BAG3: variants seen among roughly 807,000 people sequenced by gnomAD.
BAG3 encodes BAG family molecular chaperone regulator 3.
In BAG3, 14 loss-of-function variants were observed where a neutral mutation model predicts 40.5. That is an observed-to-expected ratio of 0.35 (90% CI 0.23 to 0.54). The LOEUF is 0.54. BAG3 is among the 20% of genes least tolerant of loss of function. The probability of loss-of-function intolerance (pLI) is 0.91; values close to 1 mark genes in which losing one functional copy is unlikely to be tolerated. For synonymous variants in BAG3, 302 were observed against 307.8 expected (o/e 0.98, Z 0.20); for missense variants, 788 against 758.6 (o/e 1.04, Z -0.46).
At chr10:119,652,094 C>T (rs900576454) in intron 1 of BAG3, among the ~76,000 whole-genome samples, 5 of 152,070 alleles carry the variant, frequency 3.3e-5, no homozygotes, top group African/African-American at 4.8e-5. Context: ...TTCGGTGGCC[C>T]GGGAAGCGAC....
At chr10:119,673,488 A>G (rs1847180256) in intron 3 of BAG3, among the ~76,000 whole-genome samples, 2 of 152,204 alleles carry the variant, frequency 1.3e-5, no homozygotes, top group South Asian at 4.1e-4. Context: ...CACAAGGTGC[A>G]GGTTCCTGGA....
intron 1 of BAG3, 126 bp downstream of exon 1, chr10:119,651,981 G>A (rs1321769146): frequency 4.8e-5 from 39 of 808,036 alleles, no homozygotes; most frequent in South Asian, 6.0e-5. Flanking sequence ...CCTCGCGGGC[G>A]GACACCGGCT....
chr10:119,665,606 C>T (rs1303964604), intron 1 of BAG3, among the ~76,000 whole-genome samples: 2 of 152,028 alleles, frequency 1.3e-5, no homozygotes, highest in Non-Finnish European at 2.9e-5. Context: ...TTAGTAAAAG[C>T]GGAAGCATTT....
At chr10:119,652,925 A>G (rs1177237272) in intron 1 of BAG3, among the ~76,000 whole-genome samples, 3 of 152,242 alleles carry the variant, frequency 2.0e-5, no homozygotes, top group Non-Finnish European at 4.4e-5. Flanking sequence ...AGCTTTCAGG[A>G]TAAAAAGTTT....
In BAG3 at chr10:119,676,576, T is replaced by G; in HGVS notation, c.1022T>G (p.Val341Gly). Residue 341 changes from valine to glycine, a missense_variant, in exon 4 of 4, where the codon GTG becomes GGG. Transcript: ENST00000369085. ...ELPPGHIPIQ[V>G]IRKEVDSKPV... ...CCTCCTGGACACATCCCAATTCAAGTGATCCGCAAAGAGGTGGATTCTAAA... is the reference window on the plus strand; with the variant it reads ...CCTCCTGGACACATCCCAATTCAAGGGATCCGCAAAGAGGTGGATTCTAAA... The G allele has an allele frequency of 1.2e-6, 2 of 1,614,064 alleles. No individual in the cohort carries two copies. The highest frequency in any genetic ancestry group is 2.2e-5 in the South Asian group (2 of 91,078).
chr10:119,656,248 C>G (rs549435209), intron 1 of BAG3, among the ~76,000 whole-genome samples: 11 of 152,228 alleles, frequency 7.2e-5, no homozygotes, highest in African/African-American at 2.6e-4. Flanking sequence ...CTGGCACTGG[C>G]GAACACGAGT....
Position 119,676,657 on chromosome 10 carries a change from C to G in BAG3, c.1103C>G (p.Pro368Arg). The change falls in exon 4 of 4, where the codon CCT becomes CGT. Residue 368 changes from proline to arginine, a missense_variant. Coordinates refer to ENST00000369085, the MANE Select transcript of BAG3 (RefSeq NM_004281.4). ...PSEKVEVKVPPAPVPCPPPSP... is the reference protein window; with the variant it reads ...PSEKVEVKVPRAPVPCPPPSP... ...GAGAAGGTAGAGGTGAAAGTTCCCC[C>G]TGCTCCAGTTCCTTGTCCTCCTCCC... The G allele has an allele frequency of 6.2e-7, 1 of 1,614,184 alleles. No homozygotes were observed. The highest frequency in any genetic ancestry group is 1.1e-5 in the South Asian group (1 of 91,084).
In BAG3 at chr10:119,672,997, G is replaced by A. The variant is rs961826399; in HGVS notation, c.909+341G>A. 3.9e-5 allele frequency among the ~76,000 whole-genome samples: 6 copies of A among 152,112 alleles called. No homozygotes were observed. Among genetic ancestry groups the A allele is most frequent in the African/African-American group, 9.6e-5 (4 of 41,480 alleles). On this transcript the variant is annotated intron_variant, in intron 3 of 3. Transcript: ENST00000369085. The surrounding 1 kb of genome is among the most constrained non-coding windows in gnomAD (Gnocchi z 4.8). The stretch of plus-strand genomic sequence containing the variant: ...GGCTCTTCACACCCCCATCCACACC[G>A]CAGCCACAGCCTCACCTTGGGTGTA...
rs727504938 is a variant in BAG3 at position 119,651,868 on chromosome 10, C to T, written c.180+13C>T. The T allele has an allele frequency of 1.3e-5, 20 of 1,543,432 alleles. No individual in the cohort carries two copies. The South Asian group carries it at 2.1e-4, about 16-fold the overall frequency. ...TGAGGGCCCCAAGGTGAGCCGGGCC[C>T]GCGGCCCGCCCTGGTCGGTGGCGCC... On this transcript the variant is annotated intron_variant, in intron 1 of 3. Coordinates refer to ENST00000369085, the MANE Select transcript of BAG3 (RefSeq NM_004281.4).
In BAG3 at chr10:119,669,979, T is replaced by G; in HGVS notation, c.309T>G (p.Ala103=). The G allele has an allele frequency of 6.2e-7, 1 of 1,614,228 alleles. No homozygotes were observed. ...YIPIPVLHEG[A]ENRQVHPFHV... ...CCATTCCTGTGCTCCATGAAGGCGC[T>G]GAGAACCGGCAGGTGCACCCTTTCC... is the stretch of plus-strand genomic sequence containing the variant. Residue 103 remains alanine, a synonymous_variant, in exon 2 of 4, where the codon GCT becomes GCG. Transcript: ENST00000369085.
chr10:119,657,828 C>CAG (rs1353859265), intron 1 of BAG3, among the ~76,000 whole-genome samples: 1 of 152,228 alleles, frequency 6.6e-6, no homozygotes, highest in Non-Finnish European at 1.5e-5. Flanking sequence ...CATAGCTGTG[C>CAG]AGAGAGCAGC....
In BAG3 at chr10:119,677,190, C is replaced by T. The variant is rs1589633082; in HGVS notation, c.1636C>T (p.His546Tyr). The change falls in exon 4 of 4, where the codon CAC (histidine) becomes TAC (tyrosine). Residue 546 changes from histidine to tyrosine, a missense_variant. Coordinates refer to ENST00000369085, the MANE Select transcript of BAG3 (RefSeq NM_004281.4). ...AAATGCTGGAAATGCAGAAGATCCC[C>T]ACACAGAAACCCAGCAGCCAGAAGC... ...KKNAGNAEDPHTETQQPEATA... is the reference protein window; with the variant it reads ...KKNAGNAEDPYTETQQPEATA... 6.2e-7 allele frequency: 1 copy of T among 1,614,150 alleles called. No homozygotes were observed. The highest frequency in any genetic ancestry group is 1.6e-4 in the Middle Eastern group (1 of 6,062).
Position 119,655,463 on chromosome 10 carries a change from C to T in BAG3, c.180+3608C>T, listed in dbSNP as rs139638299. 4.1e-3 allele frequency among the ~76,000 whole-genome samples: 627 copies of T among 152,246 alleles called. 4 individuals are homozygous for T. The highest frequency in any genetic ancestry group is 0.017 in the Middle Eastern group (5 of 294). On this transcript the variant is annotated intron_variant, in intron 1 of 3. Coordinates refer to ENST00000369085, the MANE Select transcript of BAG3 (RefSeq NM_004281.4). ...CTTTCAGATAACACTGGAAATGTTT[C>T]GAGTTATGATTGAAGTAGAGAGACC... is the stretch of plus-strand genomic sequence containing the variant.
intron 1 of BAG3, among the ~76,000 whole-genome samples, chr10:119,662,233 T>TTTTTTTG: frequency 6.8e-6 from 1 of 146,484 alleles, no homozygotes; most frequent in Non-Finnish European, 1.5e-5. Context: ...TTTGTTTTTT[T>TTTTTTTG]TTTTTTTGTA....
chr10:119,675,576 T>A (rs745715965), intron 3 of BAG3, among the ~76,000 whole-genome samples: 34 of 152,100 alleles, frequency 2.2e-4, no homozygotes, highest in Non-Finnish European at 4.6e-4. Context: ...GTATCTTTTC[T>A]AAAACAGGAG....
At chr10:119,654,587 C>T (rs905462679) in intron 1 of BAG3, among the ~76,000 whole-genome samples, 1 of 152,242 alleles carries the variant, frequency 6.6e-6, no homozygotes, top group Non-Finnish European at 1.5e-5. Flanking sequence ...AGCAGGACGG[C>T]TCCCGGCAAA....
At chr10:119,654,606 G>A (rs2134052574) in intron 1 of BAG3, among the ~76,000 whole-genome samples, 1 of 152,360 alleles carries the variant, frequency 6.6e-6, no homozygotes, top group Admixed American at 6.5e-5. Flanking sequence ...AAGATGCTGG[G>A]CTTCATCCAG....
chr10:119,665,687 A>T (rs929414218), intron 1 of BAG3, among the ~76,000 whole-genome samples: 7 of 152,192 alleles, frequency 4.6e-5, no homozygotes, highest in African/African-American at 1.7e-4. Flanking sequence ...CATAGACCTC[A>T]TTACGGGTGG....
chr10:119,663,403 G>A (rs1847018902), intron 1 of BAG3, among the ~76,000 whole-genome samples: 1 of 152,072 alleles, frequency 6.6e-6, no homozygotes, highest in Admixed American at 6.5e-5. Flanking sequence ...GGGTTCAAGC[G>A]ATTCTCGTGC....
Sources: allele counts gnomAD v4.1 joint callset (sites outside exome capture counted in the v4.1 genomes callset), GRCh38; gene constraint gnomAD v4.1.1; non-coding constraint Gnocchi (gnomAD v3.1); transcripts MANE v1.5; gene names NCBI Gene and HGNC (gene_info 2026-07-23, HGNC 2026-07-21).